Variants in FER1L6 observed in about 807,000 individuals in gnomAD.
FER1L6 encodes the protein fer-1-like protein 6.
A neutral mutation model predicts 219.2 loss-of-function variants in FER1L6; 177 were observed. That is an observed-to-expected ratio of 0.81 (90% confidence interval 0.71 to 0.91). FER1L6 has a LOEUF of 0.91. FER1L6 is among the 40% of genes least tolerant of loss of function. The probability of loss-of-function intolerance (pLI) is 0.00; values close to 1 mark genes in which losing one functional copy is unlikely to be tolerated. For missense variants in FER1L6, 2,153 were observed against 2,259.9 expected (o/e 0.95, Z 0.96); for synonymous variants, 768 against 824.3 (o/e 0.93, Z 1.17).
chr8:123,990,664 A>G (rs912370913), intron 12 of FER1L6, among the ~76,000 whole-genome samples: 2 of 151,978 alleles, frequency 1.3e-5, no homozygotes, highest in African/African-American at 2.4e-5. Context: ...CTCCCATTCT[A>G]TGGGTTGTCT....
intron 39 of FER1L6, among the ~76,000 whole-genome samples, chr8:124,112,020 A>G (rs1823039955): frequency 6.6e-6 from 1 of 152,208 alleles, no homozygotes; most frequent in Non-Finnish European, 1.5e-5. Flanking sequence ...CTAATAGGGT[A>G]GCAAGTTAGG....
At chr8:123,933,555 AC>A (rs1813866488) in intron 1 of FER1L6, among the ~76,000 whole-genome samples, 1 of 152,260 alleles carries the variant, frequency 6.6e-6, no homozygotes, top group African/African-American at 2.4e-5. Context: ...GTGCATGTGC[AC>A]ACATGCACAG....
chr8:124,027,035 A>G (rs1818739409), intron 18 of FER1L6, among the ~76,000 whole-genome samples: 1 of 152,126 alleles, frequency 6.6e-6, no homozygotes, highest in African/African-American at 2.4e-5. Context: ...AATGGCGCCA[A>G]TCTCCATATG....
chr8:123,970,069 A>G lies in FER1L6; in HGVS notation c.419A>G (p.His140Arg). 1.2e-6 allele frequency: 2 copies of G among 1,614,046 alleles called. No homozygotes were observed. Among genetic ancestry groups the G allele is most frequent in the Admixed American group, 3.3e-5 (2 of 60,000 alleles). Residue 140 changes from histidine to arginine, a missense_variant, in exon 6 of 41, where the codon CAT becomes CGT. Transcript: ENST00000522917. ...TTCGACTTCATTGGGCCCCAAGTGC[A>G]TCTTTTTGACAAGATCATCAAAATC... The part of the protein sequence containing the change: ...FVFDFIGPQV[H>R]LFDKIIKISV...
chr8:123,971,847 C>T (rs961739298), intron 6 of FER1L6, among the ~76,000 whole-genome samples: 11 of 152,188 alleles, frequency 7.2e-5, no homozygotes, highest in African/African-American at 2.7e-4. Flanking sequence ...GCATGCAGGG[C>T]TCCCAGTACT....
At chr8:124,099,664 C>T (rs555314498) in intron 37 of FER1L6, among the ~76,000 whole-genome samples, 3 of 152,294 alleles carry the variant, frequency 2.0e-5, no homozygotes, top group Admixed American at 1.3e-4. Flanking sequence ...CTTTTCAAAA[C>T]ACAATCTGAT....
At chr8:124,017,536 C>T in intron 15 of FER1L6, 92 bp from the exon 16 acceptor site, 1 of 925,562 alleles carries the variant, frequency 1.1e-6, no homozygotes, top group Non-Finnish European at 1.7e-6. Flanking sequence ...AAGCTTTCCA[C>T]TGTATTGCAG....
chr8:124,008,343 C>T (rs1276613286), intron 13 of FER1L6, among the ~76,000 whole-genome samples: 6 of 152,208 alleles, frequency 3.9e-5, no homozygotes, highest in African/African-American at 1.2e-4. Context: ...TTTATCCACT[C>T]ATTGATTGAT....
chr8:123,855,243 G>A (rs143979669), intron 1 of FER1L6, among the ~76,000 whole-genome samples: 102 of 152,292 alleles, frequency 6.7e-4, no homozygotes, highest in African/African-American at 2.2e-3. Context: ...CGTGCTCTCA[G>A]TTCTTTTATG....
At chr8:123,929,628 C>T (rs1037399564) in intron 1 of FER1L6, among the ~76,000 whole-genome samples, 21 of 152,204 alleles carry the variant, frequency 1.4e-4, no homozygotes, top group Non-Finnish European at 2.8e-4. Flanking sequence ...TACTACTCTC[C>T]GCTGACTCTG....
chr8:124,091,680 A>G, intron 34 of FER1L6, 97 bp downstream of exon 34: 1 of 1,347,724 alleles, frequency 7.4e-7, no homozygotes. Context: ...TTATAAAAGT[A>G]ATGTGGCCAG....
At chr8:123,954,977 G>T (rs371476600) in intron 1 of FER1L6, among the ~76,000 whole-genome samples, 90 of 152,310 alleles carry the variant, frequency 5.9e-4, no homozygotes, top group Middle Eastern at 3.4e-3. Context: ...CTCCAGCCCA[G>T]TTTCATCCAT....
intron 1 of FER1L6, among the ~76,000 whole-genome samples, chr8:123,869,068 A>G (rs964409666): frequency 6.6e-6 from 1 of 152,200 alleles, no homozygotes; most frequent in East Asian, 1.9e-4. Context: ...AAGATGAAGT[A>G]ATAGGAAGGG....
At chr8:123,901,690 G>A (rs1228738705) in intron 1 of FER1L6, among the ~76,000 whole-genome samples, 1 of 151,670 alleles carries the variant, frequency 6.6e-6, no homozygotes, top group African/African-American at 2.4e-5. Flanking sequence ...AGAGGTTTTG[G>A]TAGGTTGTGT....
intron 1 of FER1L6, among the ~76,000 whole-genome samples, chr8:123,950,228 C>T (rs1353546290): frequency 2.0e-5 from 3 of 152,218 alleles, no homozygotes; most frequent in Admixed American, 6.5e-5. Flanking sequence ...CTCTAAATAG[C>T]GCGGTCATGT....
intron 31 of FER1L6, among the ~76,000 whole-genome samples, chr8:124,073,520 A>G (rs1447981760): frequency 6.6e-6 from 1 of 152,244 alleles, no homozygotes; most frequent in African/African-American, 2.4e-5. Context: ...ACAAGTAAAA[A>G]AAATACTACT....
At chr8:123,956,854 G>A (rs1815044294) in intron 2 of FER1L6, among the ~76,000 whole-genome samples, 1 of 152,176 alleles carries the variant, frequency 6.6e-6, no homozygotes, top group African/African-American at 2.4e-5. Flanking sequence ...TCTGCTCTTA[G>A]AATGGGATAC....
chr8:124,082,072 G>C (rs1821576467), intron 32 of FER1L6, among the ~76,000 whole-genome samples: 1 of 152,168 alleles, frequency 6.6e-6, no homozygotes, highest in African/African-American at 2.4e-5. Flanking sequence ...CCATGAAAAG[G>C]GGAGATTATT....
At chr8:124,112,402 G>A (rs1823058805) in intron 39 of FER1L6, among the ~76,000 whole-genome samples, 1 of 152,162 alleles carries the variant, frequency 6.6e-6, no homozygotes, top group Admixed American at 6.5e-5. Flanking sequence ...ACAGCTCCAC[G>A]GGATTGCTGA....
Sources: gnomAD v4.1 joint callset for allele counts (sites outside exome capture counted in the v4.1 genomes callset) on GRCh38, gnomAD v4.1.1 for gene constraint, MANE v1.5 for transcripts, NCBI Gene and HGNC (gene_info 2026-07-23, HGNC 2026-07-21) for gene names.